Variants in GPAM observed in about 807,000 individuals in gnomAD.
The protein encoded by GPAM is glycerol-3-phosphate acyltransferase, mitochondrial.
A neutral mutation model predicts 105.0 loss-of-function variants in GPAM; 56 were observed. The observed-to-expected ratio is 0.53, with a 90% CI of 0.43 to 0.67. The LOEUF is 0.67. Ranked by LOEUF, GPAM falls within the 30% of genes least tolerant of loss-of-function variation. GPAM has a pLI of 0.00. For missense variants in GPAM, 855 were observed against 989.8 expected (o/e 0.86, Z 1.83); for synonymous variants, 368 against 354.4 (o/e 1.04, Z -0.43).
In GPAM at chr10:112,172,268, A is replaced by G. The variant is rs769776065; in HGVS notation, c.708T>C (p.Tyr236=). ...AGAAGAGAATGAAAGTGAGCAGCAG[A>G]TAGTCAATATGGGATCTATGAACTG... ...FLPVHRSHID[Y]LLLTFILFCH... is the part of the protein sequence containing the mutation. Residue 236 remains tyrosine (Y), a synonymous_variant, in exon 9 of 22, where the codon TAT becomes TAC. Transcript: ENST00000348367. 12 of 1,610,378 alleles carry G rather than the reference A, an allele frequency of 7.5e-6. No individual in the cohort carries two copies. Among genetic ancestry groups the G allele is most frequent in the Non-Finnish European group, 9.3e-6 (11 of 1,176,616 alleles).
chr10:112,199,267 A>G (rs566605046), intron 1 of GPAM, among the ~76,000 whole-genome samples: 1 of 152,256 alleles, frequency 6.6e-6, no homozygotes, highest in East Asian at 1.9e-4. Flanking sequence ...CCTGGAGGGC[A>G]TTATTATATT....
chr10:112,222,338 G>C, the GPAM span, among the ~76,000 whole-genome samples: 1 of 152,114 alleles, frequency 6.6e-6, no homozygotes, highest in Non-Finnish European at 1.5e-5. Context: ...CAAGATTCTA[G>C]TCATTAAGAG....
At chr10:112,184,257 C>A (rs1564685148), upstream of GPAM, among the ~76,000 whole-genome samples, 1 of 152,098 alleles carries the variant, frequency 6.6e-6, no homozygotes, top group Non-Finnish European at 1.5e-5. Context: ...GTATAAAAAG[C>A]CTCAGTTAGG....
In GPAM at chr10:112,155,997, C is replaced by T; in HGVS notation, c.2178G>A (p.Gly726=). The part of the protein sequence containing the change: ...QFITFLQRLL[G]PLLEAYSSAA... ...CAGAGCTGTAGGCCTCCAGCAAAGG[C>T]CCAAGGAGTCTCTGTAAGAAGGTGA... Residue 726 remains glycine (G), a synonymous_variant, in exon 20 of 22, where the codon GGG becomes GGA. Coordinates refer to ENST00000348367, the MANE Select transcript of GPAM (RefSeq NM_001244949.2). 1 of 1,612,960 alleles carries T rather than the reference C, an allele frequency of 6.2e-7. No individual in the cohort carries two copies. Among genetic ancestry groups the T allele is most frequent in the South Asian group, 1.1e-5 (1 of 91,052 alleles).
intron 1 of GPAM, among the ~76,000 whole-genome samples, chr10:112,191,761 G>A (rs1218096616): frequency 6.6e-6 from 1 of 152,184 alleles, no homozygotes; most frequent in East Asian, 1.9e-4. Context: ...GATTGTGGGA[G>A]GAGAGATTGT....
chr10:112,186,589 AGTGCAGTG>A (rs1159465528), upstream of GPAM, among the ~76,000 whole-genome samples: 1 of 151,806 alleles, frequency 6.6e-6, no homozygotes, highest in African/African-American at 2.4e-5. Context: ...CCCAGGCTGG[AGTGCAGTG>A]GTGCAGTGGC....
At chr10:112,158,503 C>T (rs1847059437) in intron 17 of GPAM, 110 bp from the exon 18 acceptor site, 15 of 725,088 alleles carry the variant, frequency 2.1e-5, no homozygotes, top group South Asian at 1.7e-4. Flanking sequence ...CTGTTACCTC[C>T]ATCACCCCAC....
At position 112,151,900 on chromosome 10, in the gene GPAM, C is replaced by A. The variant is rs1254187008; in HGVS notation, c.*1650G>T. ...ATCTCATTCAACATCAGAGCTACTA[C>A]AACTGACAATGACTTCATGGTATAC... is the stretch of plus-strand genomic sequence containing the variant. On this transcript the variant is annotated 3_prime_UTR_variant, in exon 22 of 22. Coordinates refer to ENST00000348367, the MANE Select transcript of GPAM (RefSeq NM_001244949.2). 76 of 978,822 alleles carry A rather than the reference C, an allele frequency of 7.8e-5. No individual in the cohort carries two copies. Among genetic ancestry groups the A allele is most frequent in the Non-Finnish European group, 8.9e-5 (73 of 824,088 alleles). 60.6% of individuals were successfully genotyped at this position (978,822 alleles called of 1,614,324 possible).
At chr10:112,212,681 G>A (rs1162979094) in intron 1 of GPAM, among the ~76,000 whole-genome samples, 1 of 152,190 alleles carries the variant, frequency 6.6e-6, no homozygotes, top group African/African-American at 2.4e-5. Flanking sequence ...AGACCAGCCT[G>A]CCATTGAGTC....
rs1364794294 is a variant in GPAM, at chr10:112,160,134, GATT to G, written c.1760-84_1760-82del. 7 of 1,327,032 alleles carry G rather than the reference GATT, an allele frequency of 5.3e-6. No homozygotes were observed. The African/African-American group carries it at 8.6e-5, about 16-fold the overall frequency. 82.2% of individuals were successfully genotyped at this position (1,327,032 alleles called of 1,614,324 possible). A position where few individuals can be genotyped will look rare whatever the true frequency, so the allele number is the denominator to read the frequency against. ...TCAACTGGCTTGAATAACCTTAAGA[GATT>G]ATTAATACATCAAAAATAATGGCCT... On this transcript the variant is annotated intron_variant, in intron 16 of 21. Transcript: ENST00000348367.
intron 1 of GPAM, among the ~76,000 whole-genome samples, chr10:112,202,665 T>C (rs1847811358): frequency 6.6e-6 from 1 of 152,172 alleles, no homozygotes; most frequent in East Asian, 1.9e-4. Flanking sequence ...AATACCTACA[T>C]AAATTTTCAT....
intron 1 of GPAM, among the ~76,000 whole-genome samples, chr10:112,207,413 T>C (rs1030149529): frequency 6.6e-5 from 10 of 152,212 alleles, no homozygotes; most frequent in African/African-American, 2.4e-4. Flanking sequence ...TGAAATCTTC[T>C]ACAATGTTCT....
intron 9 of GPAM, among the ~76,000 whole-genome samples, chr10:112,170,190 C>A (rs971330888): frequency 2.0e-5 from 3 of 152,134 alleles, no homozygotes; most frequent in African/African-American, 4.8e-5. Context: ...AGGTTGGGGA[C>A]CACTGCTCTA....
Position 112,173,015 on chromosome 10 carries a change from A to G in GPAM, c.612T>C (p.Ile204=). ...LKLFNSFFWN[I]QIHKGQLEMV... ...TCTCAAGTTGACCTTTGTGAATTTGAATGTTCCAAAAGAAGCTGTTGAACA... is the reference window on the plus strand; with the variant it reads ...TCTCAAGTTGACCTTTGTGAATTTGGATGTTCCAAAAGAAGCTGTTGAACA... Residue 204 remains isoleucine (I), a synonymous_variant, in exon 8 of 22, where the codon ATT becomes ATC. Transcript: ENST00000348367. 1 of 1,610,082 alleles carries G rather than the reference A, an allele frequency of 6.2e-7. No homozygotes were observed. Among genetic ancestry groups the G allele is most frequent in the Non-Finnish European group, 8.5e-7 (1 of 1,176,356 alleles).
intron 19 of GPAM, 142 bp downstream of exon 19, chr10:112,157,107 T>A: frequency 1.3e-6 from 1 of 787,274 alleles, no homozygotes; most frequent in Non-Finnish European, 2.2e-6. Context: ...ACAGTTTGAG[T>A]GTCTTTACCA....
At chr10:112,176,317 G>C (rs1847403881) in intron 5 of GPAM, among the ~76,000 whole-genome samples, 1 of 152,088 alleles carries the variant, frequency 6.6e-6, no homozygotes. Flanking sequence ...TACACCTGAG[G>C]GATAGAACAT....
Position 112,175,651 on chromosome 10 carries a change from T to G in GPAM, c.362A>C (p.His121Pro). The change falls in exon 6 of 22, where the codon CAT becomes CCT. Residue 121 changes from histidine (H) to proline (P), a missense_variant. By Grantham distance (77) the His-to-Pro change is moderately conservative. Coordinates refer to ENST00000348367, the MANE Select transcript of GPAM (RefSeq NM_001244949.2). The stretch of plus-strand genomic sequence containing the variant: ...CACATTGGTGGCAAACATGCCCTTA[T>G]GCACATCTCGCTCTTGAATAAAAAG... ...YVLFIQERDV[H>P]KGMFATNVTE... is the part of the protein sequence containing the mutation. The G allele has an allele frequency of 6.2e-7, 1 of 1,613,362 alleles. No homozygotes were observed. Among genetic ancestry groups the G allele is most frequent in the Non-Finnish European group, 8.5e-7 (1 of 1,179,312 alleles).
At chr10:112,196,018 C>T (rs1053874593) in intron 1 of GPAM, among the ~76,000 whole-genome samples, 3 of 152,110 alleles carry the variant, frequency 2.0e-5, no homozygotes, top group African/African-American at 7.2e-5. Context: ...AAACTAGGGG[C>T]CCTGATCTCC....
chr10:112,160,414 G>A (rs887834142), intron 16 of GPAM, 190 bp downstream of exon 16: 19 of 891,344 alleles, frequency 2.1e-5, no homozygotes, highest in African/African-American at 1.6e-4. Flanking sequence ...CTATACAAAC[G>A]GTAATTCAGT....
Sources: gnomAD v4.1 joint callset for allele counts (sites outside exome capture counted in the v4.1 genomes callset) on GRCh38, gnomAD v4.1.1 for gene constraint, MANE v1.5 for transcripts, NCBI Gene and HGNC (gene_info 2026-07-23, HGNC 2026-07-21) for gene names.